CFAP61: variants seen among roughly 807,000 people sequenced by gnomAD.
CFAP61 encodes cilia and flagella associated protein 61, also known as cilia- and flagella-associated protein 61.
In CFAP61, 107 loss-of-function variants were observed where a neutral mutation model predicts 135.6. That is an observed-to-expected ratio of 0.79 (90% CI 0.67 to 0.93). CFAP61 has a LOEUF of 0.93. CFAP61 is among the 40% of genes least tolerant of loss of function. CFAP61 has a pLI of 0.00. For synonymous variants in CFAP61, 575 were observed against 578.5 expected (o/e 0.99, Z 0.09); for missense variants, 1,507 against 1,556.2 (o/e 0.97, Z 0.53).
chr20:20,165,397 G>C (rs2053746062), intron 11 of CFAP61, among the ~76,000 whole-genome samples: 1 of 152,124 alleles, frequency 6.6e-6, no homozygotes, highest in African/African-American at 2.4e-5. Context: ...TGGAATATCT[G>C]AGCAGGGGAT....
intron 25 of CFAP61, among the ~76,000 whole-genome samples, chr20:20,301,171 C>T (rs186450244): frequency 1.3e-3 from 204 of 152,280 alleles, no homozygotes; most frequent in Non-Finnish European, 2.7e-3. Flanking sequence ...GTCCTGTAAG[C>T]TCCATTCACG....
At chr20:20,073,513 A>G (rs1042251790) in intron 3 of CFAP61, among the ~76,000 whole-genome samples, 17 of 152,234 alleles carry the variant, frequency 1.1e-4, no homozygotes, top group African/African-American at 4.1e-4. Context: ...GTCCTGATAT[A>G]GGTACCAGCA....
chr20:20,061,890 C>G (rs2044827514), intron 2 of CFAP61, among the ~76,000 whole-genome samples: 1 of 152,172 alleles, frequency 6.6e-6, no homozygotes, highest in African/African-American at 2.4e-5. Flanking sequence ...GCAGGGTATC[C>G]TGGGTACTCA....
At chr20:20,230,613 A>C (rs1406013564) in intron 18 of CFAP61, among the ~76,000 whole-genome samples, 1 of 151,924 alleles carries the variant, frequency 6.6e-6, no homozygotes, top group African/African-American at 2.4e-5. Context: ...GAGTGTATGG[A>C]GCAATCTCGG....
At chr20:20,159,980 C>A (rs1302699941) in intron 10 of CFAP61, among the ~76,000 whole-genome samples, 1 of 152,220 alleles carries the variant, frequency 6.6e-6, no homozygotes, top group Non-Finnish European at 1.5e-5. Context: ...TTTCCCTTCA[C>A]CCCACCCATG....
intron 26 of CFAP61, among the ~76,000 whole-genome samples, chr20:20,356,281 G>A (rs1331806026): frequency 6.9e-6 from 1 of 144,376 alleles, no homozygotes; most frequent in African/African-American, 2.6e-5. Context: ...ACTGTGAAGG[G>A]TGGTAGTCAC....
intron 25 of CFAP61, among the ~76,000 whole-genome samples, chr20:20,331,161 A>T (rs893922258): frequency 1.3e-5 from 2 of 152,188 alleles, no homozygotes; most frequent in Non-Finnish European, 2.9e-5. Context: ...ATTACTTAGC[A>T]TCCTACTGTA....
rs751769926 is a variant in CFAP61, at chr20:20,143,034, G to A, written c.951+86G>A. ...CATCAGGGGCATCTCTGGTGCTGGCGTCACTACGGAGAAGTTCTAATGCCT... is the reference window on the plus strand; with the variant it reads ...CATCAGGGGCATCTCTGGTGCTGGCATCACTACGGAGAAGTTCTAATGCCT... On this transcript the variant is annotated intron_variant, in intron 9 of 26. Transcript: ENST00000245957. 150 of 785,924 alleles carry A rather than the reference G, an allele frequency of 1.9e-4. No individual in the cohort carries two copies. The Middle Eastern group carries it at 2.9e-3, about 15-fold the overall frequency. The allele number at this position is 785,924 out of a possible 1,614,324, so 48.7% of individuals were successfully genotyped here.
intron 21 of CFAP61, among the ~76,000 whole-genome samples, chr20:20,269,341 A>G (rs2147026791): frequency 6.6e-6 from 1 of 151,536 alleles, no homozygotes; most frequent in African/African-American, 2.4e-5. Flanking sequence ...AAAATGTAAC[A>G]TACACATATA....
At chr20:20,332,668 G>T (rs1210964431) in intron 25 of CFAP61, among the ~76,000 whole-genome samples, 2 of 152,132 alleles carry the variant, frequency 1.3e-5, no homozygotes, top group African/African-American at 2.4e-5. Context: ...CCAGGCTTGA[G>T]TTCTGTGGCA....
chr20:20,197,054 T>C (rs1278837953), intron 16 of CFAP61, among the ~76,000 whole-genome samples: 1 of 152,228 alleles, frequency 6.6e-6, no homozygotes, highest in African/African-American at 2.4e-5. Flanking sequence ...GCAGAAATGC[T>C]CTAAGAGCAT....
At chr20:20,089,437 G>A (rs931129124) in intron 6 of CFAP61, among the ~76,000 whole-genome samples, 8 of 151,938 alleles carry the variant, frequency 5.3e-5, no homozygotes, top group African/African-American at 1.7e-4. Flanking sequence ...TGCTATTAAC[G>A]TCAAAGAGAA....
At chr20:20,115,512 C>G (rs182223318) in intron 8 of CFAP61, among the ~76,000 whole-genome samples, 36 of 152,074 alleles carry the variant, frequency 2.4e-4, no homozygotes, top group African/African-American at 7.7e-4. Context: ...CCCTATTGAG[C>G]TATCAAACAC....
rs150546153 is a variant in CFAP61, at chr20:20,176,030, A to G, written c.1385+6570A>G. Among the ~76,000 whole-genome samples the G allele has an allele frequency of 3.1e-3, 466 of 152,334 alleles. 1 individual carries two copies. Among genetic ancestry groups the G allele is most frequent in the East Asian group, 0.023 (118 of 5,178 alleles). ...TGCAAGAAAAAAACAACCCCATTAA[A>G]AAGTGGGCAAAGGACCATGAACAGA... is the stretch of plus-strand genomic sequence containing the variant. On this transcript the variant is annotated intron_variant, in intron 13 of 26. Transcript: ENST00000245957.
chr20:20,274,116 A>G (rs1016446539), intron 21 of CFAP61, among the ~76,000 whole-genome samples: 16 of 152,200 alleles, frequency 1.1e-4, no homozygotes, highest in African/African-American at 3.9e-4. Flanking sequence ...AACATTATAT[A>G]TGGGCATTTG....
intron 21 of CFAP61, among the ~76,000 whole-genome samples, chr20:20,271,691 C>T (rs1009888753): frequency 6.6e-6 from 1 of 152,212 alleles, no homozygotes; most frequent in African/African-American, 2.4e-5. Context: ...AAAGATTGGT[C>T]TTCCATGAAA....
intron 8 of CFAP61, among the ~76,000 whole-genome samples, chr20:20,103,445 TAGTAGA>T (rs1376687885): frequency 2.0e-5 from 3 of 151,936 alleles, no homozygotes; most frequent in African/African-American, 7.2e-5. Context: ...AAGGAAAAAC[TAGTAGA>T]AGTGTATTTT....
chr20:20,140,265 C>T (rs1447346920), intron 8 of CFAP61, among the ~76,000 whole-genome samples: 2 of 149,800 alleles, frequency 1.3e-5, no homozygotes, highest in Non-Finnish European at 3.0e-5. Context: ...CATATGTATA[C>T]ATATGCCATG....
intron 6 of CFAP61, among the ~76,000 whole-genome samples, chr20:20,078,049 G>A (rs2046180643): frequency 6.6e-6 from 1 of 152,164 alleles, no homozygotes; most frequent in African/African-American, 2.4e-5. Flanking sequence ...AATATATTTT[G>A]GGGTAAAAAA....
Sources: allele counts gnomAD v4.1 joint callset (sites outside exome capture counted in the v4.1 genomes callset), GRCh38; gene constraint gnomAD v4.1.1; transcripts MANE v1.5; gene names NCBI Gene and HGNC (gene_info 2026-07-23, HGNC 2026-07-21).